SREBF2: variants seen among roughly 807,000 people sequenced by gnomAD.
SREBF2 encodes sterol regulatory element-binding protein 2.
In SREBF2, 55 loss-of-function variants were observed where a neutral mutation model predicts 113.1. The observed-to-expected ratio is 0.49, with a 90% CI of 0.39 to 0.61. The LOEUF is 0.61. Among genes scored for constraint, SREBF2 ranks in the 20% least tolerant of loss-of-function variants. The pLI is 0.00. For synonymous variants in SREBF2, 593 were observed against 605.7 expected, an observed-to-expected ratio of 0.98 and a Z score of 0.31; for missense variants, 1,349 against 1,487.4, an observed-to-expected ratio of 0.91 and a Z score of 1.53.
Position 41,877,418 on chromosome 22 carries a change from T to C in SREBF2, c.1576T>C (p.Ser526Pro), listed in dbSNP as rs142631633. 12 of 1,613,928 alleles carry C rather than the reference T, an allele frequency of 7.4e-6. No individual in the cohort carries two copies. The African/African-American group carries it at 1.5e-4, about 20-fold the overall frequency. Residue 526 changes from serine to proline, a missense_variant, in exon 8 of 19, where the codon TCA becomes CCA. Around this residue, in one of 2 missense-constraint regions of SREBF2, gnomAD observed 699 missense variants for 843.3 expected, o/e 0.83. Transcript: ENST00000361204. Reference sequence around the variant, plus strand: ...TGGCCGCAGTGTCCTGTCATTCGAGTCAGGTAGGTGGAGGCCCCTTGCCCC... The same window carrying C: ...TGGCCGCAGTGTCCTGTCATTCGAGCCAGGTAGGTGGAGGCCCCTTGCCCC... ...GSGRSVLSFESGSGGWFDWMM... is the reference protein window; with the variant it reads ...GSGRSVLSFEPGSGGWFDWMM...
Position 41,875,210 on chromosome 22 carries a change from G to GGC in SREBF2, c.1090-127_1090-126insGC, listed in dbSNP as rs1471109322. On this transcript the variant is annotated intron_variant, in intron 5 of 18. Coordinates refer to ENST00000361204, the MANE Select transcript of SREBF2 (RefSeq NM_004599.4). ...GAGTGGCACAGCTAATCATTGGGAGGACCAGCATCTGAACTTGGTTTCTCC... is the reference window on the plus strand; with the variant it reads ...GAGTGGCACAGCTAATCATTGGGAGGGCACCAGCATCTGAACTTGGTTTCTCC... 3 of 751,326 alleles carry GGC rather than the reference G, an allele frequency of 4.0e-6. No homozygotes were observed. The African/African-American group carries it at 5.2e-5, about 13-fold the overall frequency. The allele number at this position is 751,326 out of a possible 1,614,324, so 46.5% of individuals were successfully genotyped here.
Position 41,878,109 on chromosome 22 carries a change from C to T in SREBF2, c.1747C>T (p.Leu583=). The T allele has an allele frequency of 6.2e-7, 1 of 1,614,134 alleles. No individual in the cohort carries two copies. The highest frequency in any genetic ancestry group is 8.5e-7 in the Non-Finnish European group (1 of 1,180,044). Residue 583 remains leucine, a synonymous_variant, in exon 9 of 19, where the codon CTG becomes TTG. Transcript: ENST00000361204. The part of the protein sequence containing the change: ...TFWRHRKQAD[L]DLARGDFAAA... ...CTGGAGGCACCGGAAACAGGCAGATCTGGATCTCGCCAGAGTGAGTTCTGT... is the reference window on the plus strand; with the variant it reads ...CTGGAGGCACCGGAAACAGGCAGATTTGGATCTCGCCAGAGTGAGTTCTGT...
At chr22:41,874,679 G>A (rs989886633) in intron 5 of SREBF2, among the ~76,000 whole-genome samples, 2 of 152,250 alleles carry the variant, frequency 1.3e-5, no homozygotes, top group East Asian at 3.9e-4. Context: ...AGGCTGAGGC[G>A]GGTGGATCAC....
intron 1 of SREBF2, among the ~76,000 whole-genome samples, chr22:41,851,603 C>T (rs2076931246): frequency 6.6e-6 from 1 of 152,194 alleles, no homozygotes; most frequent in East Asian, 2.0e-4. Flanking sequence ...AAGCGATTCT[C>T]CTGCCTCAGC....
At chr22:41,895,745 A>G (rs1247758731) in intron 13 of SREBF2, among the ~76,000 whole-genome samples, 1 of 151,718 alleles carries the variant, frequency 6.6e-6, no homozygotes, top group Non-Finnish European at 1.5e-5. Flanking sequence ...AGGTGCACCC[A>G]TTTTTATGTA....
chr22:41,875,648 A>C lies in SREBF2; in HGVS notation c.1310A>C (p.Asp437Ala). 6.2e-7 allele frequency: 1 copy of C among 1,614,150 alleles called. No individual in the cohort carries two copies. The highest frequency in any genetic ancestry group is 8.5e-7 in the Non-Finnish European group (1 of 1,180,026). Residue 437 changes from aspartate (D) to alanine (A), a missense_variant, in exon 7 of 19, where the codon GAC becomes GCC. Around this residue, in one of 2 missense-constraint regions of SREBF2, gnomAD observed 699 missense variants for 843.3 expected, o/e 0.83. Coordinates refer to ENST00000361204, the MANE Select transcript of SREBF2 (RefSeq NM_004599.4). ...NVLLMSPPAS[D>A]SGSQAGFSPY... is the part of the protein sequence containing the mutation. Reference sequence around the variant, plus strand: ...CTTCTGATGTCCCCCCCAGCCTCTGACTCAGGGTCCCAGGCTGGCTTCTCT... The same window carrying C: ...CTTCTGATGTCCCCCCCAGCCTCTGCCTCAGGGTCCCAGGCTGGCTTCTCT...
chr22:41,904,867 TC>T lies in SREBF2; in HGVS notation c.3100del (p.Leu1034CysfsTer8). 6.3e-7 allele frequency: 1 copy of T among 1,592,648 alleles called. No homozygotes were observed. Among genetic ancestry groups the T allele is most frequent in the Non-Finnish European group, 8.5e-7 (1 of 1,171,726 alleles). On this transcript the variant is annotated frameshift_variant, in exon 18 of 19. Transcript: ENST00000361204. LOFTEE classifies it high-confidence loss of function. ...GTCACCCCGGCACCTCCCCAGGTGT[TC>T]CTGCATGAAGCCACCGTGCGCCTGA... is the stretch of plus-strand genomic sequence containing the variant. ...HSFRPAYRKVFLHEATVRLMA... is the reference protein window; with the variant it reads ...HSFRPAYRKVXLHEATVRLMA...
chr22:41,895,659 C>T (rs892299550), intron 13 of SREBF2, among the ~76,000 whole-genome samples: 1 of 148,590 alleles, frequency 6.7e-6, no homozygotes, highest in Admixed American at 6.7e-5. Flanking sequence ...TGGTCTTGAA[C>T]TCCTGATCTC....
At chr22:41,836,904 A>G (rs1264701981) in intron 1 of SREBF2, among the ~76,000 whole-genome samples, 3 of 152,152 alleles carry the variant, frequency 2.0e-5, no homozygotes, top group Non-Finnish European at 2.9e-5. Flanking sequence ...CATTCATTCC[A>G]CAATGTCTGC....
At chr22:41,884,391 C>T (rs1255282908) in intron 10 of SREBF2, among the ~76,000 whole-genome samples, 1 of 152,230 alleles carries the variant, frequency 6.6e-6, no homozygotes, top group African/African-American at 2.4e-5. Context: ...CCGGCCTTGG[C>T]CTCCCAAAGT....
chr22:41,905,771 G>A lies in SREBF2; in HGVS notation c.*111G>A. 7.8e-7 allele frequency: 1 copy of A among 1,284,586 alleles called. No individual in the cohort carries two copies. Among genetic ancestry groups the A allele is most frequent in the Middle Eastern group, 1.8e-4 (1 of 5,436 alleles). The allele number at this position is 1,284,586 out of a possible 1,614,324, so 79.6% of individuals were successfully genotyped here. ...AGCCTTGTCTTCTTAGCTGTCACCT[G>A]CCGAGGCTTCTGGGCCACTCAGGCC... On this transcript the variant is annotated 3_prime_UTR_variant, in exon 19 of 19. Coordinates refer to ENST00000361204, the MANE Select transcript of SREBF2 (RefSeq NM_004599.4).
At chr22:41,875,866 C>G in intron 7 of SREBF2, 142 bp downstream of exon 7, 2 of 1,009,802 alleles carry the variant, frequency 2.0e-6, no homozygotes, top group Non-Finnish European at 3.0e-6. Flanking sequence ...TGAAATTAGC[C>G]AGGTCCTGGA....
At chr22:41,861,817 G>T (rs1438371942) in intron 1 of SREBF2, among the ~76,000 whole-genome samples, 4 of 152,016 alleles carry the variant, frequency 2.6e-5, no homozygotes, top group African/African-American at 7.3e-5. Context: ...CAGCTACTTG[G>T]GAGGCTGAGG....
intron 8 of SREBF2, 45 bp from the exon 9 acceptor site, chr22:41,877,897 C>T (rs374523946): frequency 1.4e-5 from 23 of 1,610,780 alleles, no homozygotes; most frequent in Non-Finnish European, 1.4e-5. Context: ...CTGGCTGCTC[C>T]GCAAGGCCTT....
At chr22:41,894,750 T>A in intron 12 of SREBF2, 70 bp from the exon 13 acceptor site, 1 of 1,352,796 alleles carries the variant, frequency 7.4e-7, no homozygotes, top group Non-Finnish European at 1.1e-6. Flanking sequence ...GTTTGGAGTT[T>A]CTCTCCGTAA....
At chr22:41,860,413 G>T (rs1169902651) in intron 1 of SREBF2, among the ~76,000 whole-genome samples, 8 of 152,154 alleles carry the variant, frequency 5.3e-5, no homozygotes, top group Admixed American at 4.6e-4. Flanking sequence ...TTCCATGTTG[G>T]TTTTTTCCAC....
intron 11 of SREBF2, among the ~76,000 whole-genome samples, chr22:41,888,654 G>A (rs2077323962): frequency 6.6e-6 from 1 of 152,130 alleles, no homozygotes; most frequent in South Asian, 2.1e-4. Context: ...GTTGTTTCCA[G>A]TATTTGCCGT....
intron 1 of SREBF2, among the ~76,000 whole-genome samples, chr22:41,839,056 A>T (rs986469429): frequency 1.3e-5 from 2 of 152,132 alleles, no homozygotes; most frequent in African/African-American, 4.8e-5. Context: ...GGAAGGTTGG[A>T]GTGGCCAACT....
chr22:41,903,126 G>A lies in SREBF2; in HGVS notation c.3064G>A (p.Ala1022Thr), dbSNP rs1427445701. ...GGACCTGGGCAGCCTGCGCAGGCTG[G>A]CACACAGCTTCCGCCCAGCATACCG... Reference protein sequence around the residue: ...QRDLGSLRRLAHSFRPAYRKV... With the variant: ...QRDLGSLRRLTHSFRPAYRKV... The change falls in exon 17 of 19, where the codon GCA (alanine) becomes ACA (threonine). Residue 1022 changes from alanine to threonine, a missense_variant. By Grantham distance (58) the Ala-to-Thr change is moderately conservative. Coordinates refer to ENST00000361204, the MANE Select transcript of SREBF2 (RefSeq NM_004599.4). 7 of 1,558,704 alleles carry A rather than the reference G, an allele frequency of 4.5e-6. No homozygotes were observed. The highest frequency in any genetic ancestry group is 1.7e-4 in the Middle Eastern group (1 of 5,962).
Sources: gnomAD v4.1 joint callset for allele counts (sites outside exome capture counted in the v4.1 genomes callset) on GRCh38, gnomAD v4.1.1 for gene constraint, gnomAD v4.1.1 regional missense constraint, MANE v1.5 for transcripts, NCBI Gene and HGNC (gene_info 2026-07-23, HGNC 2026-07-21) for gene names.